The following ACTR3 variants were observed in gnomAD, a reference collection of about 807,000 sequenced individuals.
ACTR3 encodes actin-related protein 3.
A neutral mutation model predicts 56.8 loss-of-function variants in ACTR3; 12 were observed. That is an observed-to-expected ratio of 0.21 (90% CI 0.14 to 0.34). ACTR3 has a LOEUF of 0.34. Among genes scored for constraint, ACTR3 ranks in the 10% least tolerant of loss-of-function variants. ACTR3 has a pLI of 1.00. For missense variants in ACTR3, 282 were observed against 512.5 expected (o/e 0.55, Z 4.34); for synonymous variants, 162 against 167.4 (o/e 0.97, Z 0.25).
intron 4 of ACTR3, among the ~76,000 whole-genome samples, chr2:113,930,963 A>G (rs536627451): frequency 6.6e-6 from 1 of 152,224 alleles, no homozygotes; most frequent in Admixed American, 6.5e-5. Context: ...TCATTACCAT[A>G]TTTAAAGGAT....
upstream of ACTR3, chr2:113,889,934 TG>T (rs1678847628): frequency 2.6e-5 from 14 of 540,212 alleles, 1 homozygote; most frequent in Middle Eastern, 9.6e-4. Flanking sequence ...GGGCCTGGCC[TG>T]GCCGGGGCGT....
At chr2:113,951,604 A>T in intron 9 of ACTR3, 33 bp downstream of exon 9, 1 of 1,579,206 alleles carries the variant, frequency 6.3e-7, no homozygotes, top group Non-Finnish European at 8.7e-7. Flanking sequence ...TCAAGGTCTT[A>T]CTTTAAAAAA....
chr2:113,922,863 C>A (rs1481598609), intron 3 of ACTR3, among the ~76,000 whole-genome samples: 1 of 152,146 alleles, frequency 6.6e-6, no homozygotes, highest in East Asian at 1.9e-4. Context: ...CAGAAGAGAT[C>A]TCTTGAGGTG....
intron 10 of ACTR3, chr2:113,954,308 T>C (rs1246776199): frequency 6.6e-6 from 1 of 151,870 alleles, no homozygotes; most frequent in Non-Finnish European, 1.5e-5. Context: ...CTTTTAAGTT[T>C]CAGTCACTAG....
chr2:113,897,059 C>T (rs1256891960), intron 1 of ACTR3, among the ~76,000 whole-genome samples: 1 of 152,074 alleles, frequency 6.6e-6, no homozygotes, highest in Non-Finnish European at 1.5e-5. Context: ...AGCTTGTTGC[C>T]TTTTTTATGA....
chr2:113,927,281 T>C, intron 3 of ACTR3, 64 bp from the exon 4 acceptor site: 1 of 1,118,792 alleles, frequency 8.9e-7, no homozygotes, highest in Non-Finnish European at 1.2e-6. Context: ...TTTCCTTTTT[T>C]GTATTTTTAT....
chr2:113,913,130 T>C (rs752273269), intron 1 of ACTR3, 42 bp from the exon 2 acceptor site: 2 of 1,328,940 alleles, frequency 1.5e-6, no homozygotes, highest in South Asian at 2.6e-5. Flanking sequence ...GTATAATTGC[T>C]AAAATATTAG....
intron 8 of ACTR3, among the ~76,000 whole-genome samples, chr2:113,949,247 G>A (rs1365740578): frequency 2.6e-5 from 4 of 151,056 alleles, no homozygotes; most frequent in Admixed American, 6.6e-5. Flanking sequence ...GCGTGGTGGC[G>A]GACGCTTGTA....
At chr2:113,906,894 A>G (rs745324045) in intron 1 of ACTR3, among the ~76,000 whole-genome samples, 3 of 152,110 alleles carry the variant, frequency 2.0e-5, no homozygotes, top group African/African-American at 7.2e-5. Flanking sequence ...GAGATCTCCA[A>G]CTTTGTTCTT....
Position 113,934,338 on chromosome 2 carries a change from C to G in ACTR3, c.492C>G (p.Thr164=). ...TSRQVGERTL[T]GTVIDSGDGV... ...GACAAGTAGGAGAACGGACGTTGACCGGTACGGTAATAGACAGTGGAGATG... is the reference window on the plus strand; with the variant it reads ...GACAAGTAGGAGAACGGACGTTGACGGGTACGGTAATAGACAGTGGAGATG... Residue 164 remains threonine, a synonymous_variant, in exon 6 of 12, where the codon ACC becomes ACG. Coordinates refer to ENST00000263238, the MANE Select transcript of ACTR3 (RefSeq NM_005721.5). 6.2e-7 allele frequency: 1 copy of G among 1,609,408 alleles called. No individual in the cohort carries two copies. The highest frequency in any genetic ancestry group is 8.5e-7 in the Non-Finnish European group (1 of 1,178,518).
chr2:113,924,887 CTATTTATTTATT>C (rs139963909), intron 3 of ACTR3, among the ~76,000 whole-genome samples: 4 of 150,046 alleles, frequency 2.7e-5, no homozygotes, highest in Admixed American at 1.3e-4. Flanking sequence ...ATTCAAGGAA[CTATTTATTTATT>C]TATTTATTTA....
intron 1 of ACTR3, among the ~76,000 whole-genome samples, chr2:113,898,121 A>G (rs1056046715): frequency 4.6e-5 from 7 of 152,042 alleles, no homozygotes; most frequent in Admixed American, 2.6e-4. Flanking sequence ...TGTTTTTAGT[A>G]TTAGTGTATG....
chr2:113,956,216 T>C (rs1299171434), intron 11 of ACTR3, among the ~76,000 whole-genome samples: 1 of 151,842 alleles, frequency 6.6e-6, no homozygotes, highest in Non-Finnish European at 1.5e-5. Context: ...TAAATTTATA[T>C]ATATATATTT....
intron 5 of ACTR3, chr2:113,933,729 G>A (rs1305576496): frequency 6.9e-6 from 1 of 144,172 alleles, no homozygotes; most frequent in Non-Finnish European, 1.5e-5. Context: ...GCTCAGTCTG[G>A]AGTACAGTGG....
chr2:113,924,622 C>G (rs1425646701), intron 3 of ACTR3, among the ~76,000 whole-genome samples: 1 of 152,140 alleles, frequency 6.6e-6, no homozygotes, highest in African/African-American at 2.4e-5. Flanking sequence ...TCCCTTTGAT[C>G]TAGAACTGGT....
chr2:113,947,510 C>T (rs1480568363), intron 8 of ACTR3, among the ~76,000 whole-genome samples: 1 of 152,136 alleles, frequency 6.6e-6, no homozygotes, highest in Non-Finnish European at 1.5e-5. Flanking sequence ...AAAAAATTAG[C>T]CAGGCATGTG....
intron 1 of ACTR3, among the ~76,000 whole-genome samples, chr2:113,911,801 A>G (rs1171115068): frequency 6.6e-6 from 1 of 151,102 alleles, no homozygotes; most frequent in Non-Finnish European, 1.5e-5. Context: ...CAGTGGTGTG[A>G]TCTCGGCTCA....
intron 1 of ACTR3, among the ~76,000 whole-genome samples, chr2:113,893,220 C>A (rs573978972): frequency 6.6e-6 from 1 of 151,876 alleles, no homozygotes; most frequent in African/African-American, 2.4e-5. Flanking sequence ...GTATGATCAT[C>A]CTAAGGTTTT....
intron 5 of ACTR3, among the ~76,000 whole-genome samples, chr2:113,932,180 T>TA (rs1679736451): frequency 1.3e-5 from 2 of 152,324 alleles, no homozygotes; most frequent in South Asian, 4.1e-4. Flanking sequence ...TTAACTTGGA[T>TA]AGCAAAGAAC....
Sources: gnomAD v4.1 joint callset for allele counts (sites outside exome capture counted in the v4.1 genomes callset) on GRCh38, gnomAD v4.1.1 for gene constraint, MANE v1.5 for transcripts, NCBI Gene and HGNC (gene_info 2026-07-23, HGNC 2026-07-21) for gene names.